GPR160: variants seen among roughly 807,000 people sequenced by gnomAD.
The protein encoded by GPR160 is G protein-coupled receptor 160.
Under a neutral mutation model 2.6 loss-of-function variants are expected in GPR160, and 2 were observed. The ratio of observed to expected loss-of-function variants is 0.77; its 90% CI spans 0.32 to 2.44. The LOEUF is 2.44. GPR160 is among the 30% of genes most tolerant of loss of function. The pLI is 0.11. For synonymous variants in GPR160, 130 were observed against 132.2 expected, an observed-to-expected ratio of 0.98 and a Z score of 0.12; for missense variants, 351 against 383.6, an observed-to-expected ratio of 0.91 and a Z score of 0.71.
At chr3:170,078,315 C>T (rs1201902929) in intron 2 of GPR160, among the ~76,000 whole-genome samples, 1 of 152,110 alleles carries the variant, frequency 6.6e-6, no homozygotes, top group African/African-American at 2.4e-5. Flanking sequence ...TCCGCCTCCT[C>T]CCCCAGCCCC....
rs1716272716 is a variant in GPR160 at position 170,038,188 on chromosome 3, T to G, written c.-349T>G. 1 of 151,984 alleles carries G rather than the reference T, an allele frequency of 6.6e-6. No individual in the cohort carries two copies. Among genetic ancestry groups the G allele is most frequent in the South Asian group, 2.1e-4 (1 of 4,872 alleles). The allele number at this position is 151,984 out of a possible 1,614,324, so 9.4% of individuals were successfully genotyped here. A position where few individuals can be genotyped will look rare whatever the true frequency, so the allele number is the denominator to read the frequency against. On this transcript the variant is annotated 5_prime_UTR_variant, in exon 1 of 4. Coordinates refer to ENST00000355897, the MANE Select transcript of GPR160 (RefSeq NM_014373.3). The surrounding 1 kb of genome is among the most constrained non-coding windows in gnomAD (Gnocchi z 5.3). ...GCTGCAGGTGTCGGGGCCTCAACCT[T>G]GCGGAGCCGACAGCCATCGATCCTC...
intron 2 of GPR160, among the ~76,000 whole-genome samples, chr3:170,056,577 A>G (rs1043344218): frequency 6.6e-6 from 1 of 152,178 alleles, no homozygotes; most frequent in African/African-American, 2.4e-5. Flanking sequence ...TCATCATTTA[A>G]CCTTTTAGAG....
chr3:170,043,902 G>A (rs548661695), intron 2 of GPR160, among the ~76,000 whole-genome samples: 3 of 151,816 alleles, frequency 2.0e-5, no homozygotes, highest in Non-Finnish European at 4.4e-5. Context: ...TTAGGGAAGG[G>A]TAGTACATCC....
chr3:170,057,918 GCAAAA>G (rs1313229092), intron 2 of GPR160: 1 of 152,180 alleles, frequency 6.6e-6, no homozygotes, highest in Non-Finnish European at 1.5e-5. Flanking sequence ...AGCTTGCAAA[GCAAAA>G]CTTTAAAATA....
In GPR160 at chr3:170,084,112, G is replaced by C. The variant is rs1434950550; in HGVS notation, c.140G>C (p.Arg47Thr). Residue 47 changes from arginine (R) to threonine (T), a missense_variant, in exon 4 of 4, where the codon AGA becomes ACA. Transcript: ENST00000355897. ...LLNILTLGMR[R>T]KNTCQNFMEY... is the part of the protein sequence containing the mutation. ...AATATCCTTACACTAGGAATGAGAA[G>C]AAAAAACACCTGTCAAAATTTTATG... is the stretch of plus-strand genomic sequence containing the variant. 1.3e-6 allele frequency: 2 copies of C among 1,596,252 alleles called. No homozygotes were observed. The highest frequency in any genetic ancestry group is 2.7e-5 in the African/African-American group (2 of 73,998).
chr3:170,065,516 A>G (rs888236078), intron 2 of GPR160, among the ~76,000 whole-genome samples: 3 of 152,172 alleles, frequency 2.0e-5, no homozygotes, highest in Non-Finnish European at 4.4e-5. Context: ...GACCGCATGT[A>G]TTGCTCTCCT....
intron 2 of GPR160, among the ~76,000 whole-genome samples, chr3:170,060,729 C>T (rs1711893394): frequency 6.6e-6 from 1 of 152,146 alleles, no homozygotes; most frequent in Non-Finnish European, 1.5e-5. Flanking sequence ...TATGACTGTA[C>T]TACTGCACTC....
intron 3 of GPR160, chr3:170,083,330 T>C (rs1261424941): frequency 6.6e-6 from 1 of 152,226 alleles, no homozygotes; most frequent in East Asian, 1.9e-4. Context: ...AACACTTTTC[T>C]TTCTTTCCTT....
intron 2 of GPR160, among the ~76,000 whole-genome samples, chr3:170,066,841 T>C (rs1313976184): frequency 6.6e-5 from 10 of 152,216 alleles, no homozygotes; most frequent in African/African-American, 1.2e-4. Context: ...GGTTGCCATT[T>C]GTAGGAGTTG....
chr3:170,066,141 T>C (rs1213965781), intron 2 of GPR160, among the ~76,000 whole-genome samples: 6 of 121,162 alleles, frequency 5.0e-5, no homozygotes, highest in East Asian at 2.3e-4. Context: ...TTTTTTTTTT[T>C]TTTTTTTTTT....
intron 2 of GPR160, among the ~76,000 whole-genome samples, chr3:170,051,718 C>G (rs1312058313): frequency 1.3e-5 from 2 of 152,032 alleles, no homozygotes; most frequent in Non-Finnish European, 2.9e-5. Context: ...GAACGAAACT[C>G]TGTCTCAAAA....
intron 2 of GPR160, among the ~76,000 whole-genome samples, chr3:170,041,276 CA>C (rs1452353444): frequency 1.3e-5 from 2 of 150,164 alleles, no homozygotes; most frequent in Non-Finnish European, 3.0e-5. Context: ...CGTGTAGATT[CA>C]CTAGTCTAAA....
At chr3:170,056,438 T>G (rs1252177394) in intron 2 of GPR160, among the ~76,000 whole-genome samples, 1 of 152,234 alleles carries the variant, frequency 6.6e-6, no homozygotes, top group African/African-American at 2.4e-5. Flanking sequence ...CTCATGCTAT[T>G]GATTTCATTA....
chr3:170,056,247 T>C (rs1007135122), intron 2 of GPR160, among the ~76,000 whole-genome samples: 1 of 152,186 alleles, frequency 6.6e-6, no homozygotes. Flanking sequence ...TACAGTCACA[T>C]TGTAAGGGAA....
In GPR160 at chr3:170,083,961, T is replaced by A; in HGVS notation, c.-12T>A. The stretch of plus-strand genomic sequence containing the variant: ...GTATTTCAGCAGGTCTTCTTGAAAT[T>A]TAACTAAAAATATGACTGCTCTCTC... On this transcript the variant is annotated 5_prime_UTR_variant, in exon 4 of 4. Coordinates refer to ENST00000355897, the MANE Select transcript of GPR160 (RefSeq NM_014373.3). The A allele has an allele frequency of 2.1e-6, 3 of 1,426,832 alleles. No homozygotes were observed. The highest frequency in any genetic ancestry group is 2.8e-6 in the Non-Finnish European group (3 of 1,083,138). The allele number at this position is 1,426,832 out of a possible 1,614,324, so 88.4% of individuals were successfully genotyped here.
In GPR160 at chr3:170,052,584, T is replaced by C. The variant is rs1386155955; in HGVS notation, c.-193+13541T>C. ...ATTTTTGTTTGAGTAGTTTGACTTT[T>C]TGTTATTCATTTGTAGGCACTCTTT... On this transcript the variant is annotated intron_variant, in intron 2 of 3. Transcript: ENST00000355897. 2.0e-5 allele frequency among the ~76,000 whole-genome samples: 3 copies of C among 152,242 alleles called. No individual in the cohort carries two copies. In the East Asian group the frequency reaches 5.8e-4, roughly 29 times the overall value.
At chr3:170,077,654 A>G (rs537260403) in intron 2 of GPR160, 2 of 152,384 alleles carry the variant, frequency 1.3e-5, no homozygotes, top group African/African-American at 2.4e-5. Flanking sequence ...AGGAAGAACA[A>G]TAATGTTAAT....
At chr3:170,050,568 A>G (rs1212163570) in intron 2 of GPR160, among the ~76,000 whole-genome samples, 1 of 152,064 alleles carries the variant, frequency 6.6e-6, no homozygotes, top group Non-Finnish European at 1.5e-5. Flanking sequence ...CACCACGCCC[A>G]CCTAATTTTT....
chr3:170,061,602 C>T (rs1485709988), intron 2 of GPR160, among the ~76,000 whole-genome samples: 1 of 151,966 alleles, frequency 6.6e-6, no homozygotes, highest in African/African-American at 2.4e-5. Context: ...TAAGATAAAT[C>T]ATCATAGGAA....
Sources: allele counts gnomAD v4.1 joint callset (sites outside exome capture counted in the v4.1 genomes callset), GRCh38; gene constraint gnomAD v4.1.1; non-coding constraint Gnocchi (gnomAD v3.1); transcripts MANE v1.5; gene names NCBI Gene and HGNC (gene_info 2026-07-23, HGNC 2026-07-21).